ADAMTS17: variants seen among roughly 807,000 people sequenced by gnomAD.
ADAMTS17 encodes A disintegrin and metalloproteinase with thrombospondin motifs 17.
ADAMTS17 carries 113 observed loss-of-function variants against 141.5 expected under a neutral mutation model. The observed-to-expected ratio is 0.80, with a 90% CI of 0.69 to 0.93. The LOEUF is 0.93. ADAMTS17 is among the 40% of genes least tolerant of loss of function. The probability of loss-of-function intolerance (pLI) is 0.00; values close to 1 mark genes in which losing one functional copy is unlikely to be tolerated. For missense variants in ADAMTS17, 1,659 were observed against 1,517.9 expected (o/e 1.09, Z -1.54); for synonymous variants, 768 against 630.6 (o/e 1.22, Z -3.27).
At chr15:100,094,477 T>C (rs544615245) in intron 15 of ADAMTS17, among the ~76,000 whole-genome samples, 16 of 152,260 alleles carry the variant, frequency 1.1e-4, no homozygotes, top group Non-Finnish European at 2.4e-4. Flanking sequence ...CAGATCAGAG[T>C]CTGGGTAAAG....
chr15:99,974,438 A>G lies in ADAMTS17; in HGVS notation c.3252T>C (p.Tyr1084=), dbSNP rs750652557. ...GCGGTGGCTGGCGCATCTTGTTTGC[A>G]TAGAAGTCCCTGCAGGTCTGGCAGC... ...QRCCQTCRDF[Y]ANKMRQPPPN... is the part of the protein sequence containing the mutation. The change falls in exon 22 of 22, where the codon TAT becomes TAC. Residue 1084 remains tyrosine, a synonymous_variant. Transcript: ENST00000268070. 17 of 1,614,192 alleles carry G rather than the reference A, an allele frequency of 1.1e-5. No individual in the cohort carries two copies. The East Asian group carries it at 3.8e-4, about 36-fold the overall frequency.
chr15:100,014,500 C>A (rs895891673), intron 18 of ADAMTS17, among the ~76,000 whole-genome samples: 4 of 152,168 alleles, frequency 2.6e-5, no homozygotes, highest in African/African-American at 9.7e-5. Context: ...ATGTTTAGGG[C>A]TGAGAACTTT....
intron 7 of ADAMTS17, among the ~76,000 whole-genome samples, chr15:100,212,229 C>T (rs1028198231): frequency 2.6e-5 from 4 of 152,160 alleles, no homozygotes; most frequent in Non-Finnish European, 5.9e-5. Context: ...ATTCACTGAA[C>T]CCAGCCAGTC....
intron 8 of ADAMTS17, among the ~76,000 whole-genome samples, chr15:100,176,680 A>T (rs2040349908): frequency 7.0e-6 from 1 of 143,098 alleles, no homozygotes. Context: ...CTATGCAATT[A>T]TATCACGTGT....
At chr15:100,063,773 C>T (rs747651640) in intron 15 of ADAMTS17, 31 of 1,289,308 alleles carry the variant, frequency 2.4e-5, no homozygotes, top group East Asian at 1.7e-4. Flanking sequence ...TAGCAACAAA[C>T]GACACAGAAG....
intron 10 of ADAMTS17, among the ~76,000 whole-genome samples, chr15:100,135,330 C>A (rs2141256718): frequency 6.6e-6 from 1 of 150,988 alleles, no homozygotes; most frequent in Admixed American, 6.6e-5. Context: ...GTCGCCCAGG[C>A]TGGAGTGCAG....
At chr15:100,157,990 G>T (rs2141387223) in intron 8 of ADAMTS17, among the ~76,000 whole-genome samples, 1 of 151,682 alleles carries the variant, frequency 6.6e-6, no homozygotes, top group African/African-American at 2.4e-5. Flanking sequence ...CCGCGTTCAA[G>T]CTATTCTCCT....
At chr15:100,084,709 T>C (rs8042015) in intron 15 of ADAMTS17, among the ~76,000 whole-genome samples, 50,286 of 152,086 alleles carry the variant, frequency 0.33, 10,711 homozygotes, top group East Asian at 0.59. Context: ...CTGCAGCCAC[T>C]GCTCCTGATA....
chr15:100,200,363 T>C (rs2041280331), intron 7 of ADAMTS17, among the ~76,000 whole-genome samples: 1 of 151,976 alleles, frequency 6.6e-6, no homozygotes, highest in Non-Finnish European at 1.5e-5. Flanking sequence ...CTCTGGGGAA[T>C]GCTGGGAGGG....
chr15:100,127,673 C>T (rs1182358071), intron 12 of ADAMTS17, among the ~76,000 whole-genome samples: 2 of 152,220 alleles, frequency 1.3e-5, no homozygotes, highest in African/African-American at 4.8e-5. Flanking sequence ...ACTGCACCTC[C>T]CGGGTACAAG....
At chr15:100,216,145 T>C (rs2041961966) in intron 7 of ADAMTS17, among the ~76,000 whole-genome samples, 1 of 152,188 alleles carries the variant, frequency 6.6e-6, no homozygotes, top group East Asian at 1.9e-4. Flanking sequence ...GTGCCCCCTT[T>C]TGTAAGATGA....
intron 18 of ADAMTS17, among the ~76,000 whole-genome samples, chr15:100,014,507 C>A (rs1229142185): frequency 6.6e-6 from 1 of 152,164 alleles, no homozygotes; most frequent in East Asian, 1.9e-4. Flanking sequence ...GGGCTGAGAA[C>A]TTTCCTCTTA....
chr15:100,259,590 A>G (rs749169630), intron 6 of ADAMTS17, among the ~76,000 whole-genome samples: 15 of 152,242 alleles, frequency 9.9e-5, no homozygotes, highest in Non-Finnish European at 1.9e-4. Context: ...GACGATCAGA[A>G]TTATTAGACA....
chr15:100,104,210 A>T (rs531101487), intron 14 of ADAMTS17, among the ~76,000 whole-genome samples: 3 of 152,350 alleles, frequency 2.0e-5, no homozygotes, highest in Admixed American at 2.0e-4. Context: ...TGTGTATCAG[A>T]GGCTTATTAA....
intron 18 of ADAMTS17, among the ~76,000 whole-genome samples, chr15:100,017,542 C>G (rs185206971): frequency 0.015 from 2,332 of 152,350 alleles, 53 homozygotes; most frequent in African/African-American, 0.051. Flanking sequence ...GCCTTTCCCG[C>G]TGCTTCCTCT....
chr15:99,972,799 C>G lies in ADAMTS17; in HGVS notation c.*1603G>C, dbSNP rs2060238373. On this transcript the variant is annotated 3_prime_UTR_variant, in exon 22 of 22. Coordinates refer to ENST00000268070, the MANE Select transcript of ADAMTS17 (RefSeq NM_139057.4). Reference sequence around the variant, plus strand: ...TAGGGTAGTAAAAACAAAAACACAGCTCGTAAGACAGGGTGGAGAAGGCAG... The same window carrying G: ...TAGGGTAGTAAAAACAAAAACACAGGTCGTAAGACAGGGTGGAGAAGGCAG... 6.6e-6 allele frequency: 1 copy of G among 152,200 alleles called. No individual in the cohort carries two copies. Among genetic ancestry groups the G allele is most frequent in the East Asian group, 1.9e-4 (1 of 5,198 alleles). 9.4% of individuals were successfully genotyped at this position (152,200 alleles called of 1,614,324 possible). A position where few individuals can be genotyped will look rare whatever the true frequency, so the allele number is the denominator to read the frequency against.
Position 99,997,591 on chromosome 15 carries a change from T to C in ADAMTS17, c.2592-2A>G, listed in dbSNP as rs2060829880. On this transcript the variant is annotated splice_acceptor_variant, in intron 18 of 21. Coordinates refer to ENST00000268070, the MANE Select transcript of ADAMTS17 (RefSeq NM_139057.4). LOFTEE classifies it high-confidence loss of function. The surrounding 1 kb of genome is among the most constrained non-coding windows in gnomAD (Gnocchi z 4.7). Reference sequence around the variant, plus strand: ...GGGCTCCACGGGCCTGCCACCCACCTGCCAGACGGGAGGAAAGAGAGAGAG... The same window carrying C: ...GGGCTCCACGGGCCTGCCACCCACCCGCCAGACGGGAGGAAAGAGAGAGAG... 1 of 1,612,062 alleles carries C rather than the reference T, an allele frequency of 6.2e-7. No homozygotes were observed. The highest frequency in any genetic ancestry group is 2.2e-5 in the East Asian group (1 of 44,834).
At chr15:99,984,030 G>A (rs1394322716) in intron 20 of ADAMTS17, among the ~76,000 whole-genome samples, 2 of 152,086 alleles carry the variant, frequency 1.3e-5, no homozygotes, top group South Asian at 2.1e-4. Context: ...CTGTGCCGTC[G>A]CTGGGAAACA....
At chr15:100,308,160 C>T (rs1040563349) in intron 3 of ADAMTS17, among the ~76,000 whole-genome samples, 5 of 152,182 alleles carry the variant, frequency 3.3e-5, no homozygotes, top group East Asian at 1.9e-4. Context: ...TGGAGCAAAA[C>T]GGTCTCCGCT....
Sources: gnomAD v4.1 joint callset for allele counts (sites outside exome capture counted in the v4.1 genomes callset) on GRCh38, gnomAD v4.1.1 for gene constraint, Gnocchi (gnomAD v3.1) non-coding constraint, MANE v1.5 for transcripts, NCBI Gene and HGNC (gene_info 2026-07-23, HGNC 2026-07-21) for gene names.